The following SLC41A3 variants were observed in gnomAD, a reference collection of about 807,000 sequenced individuals.
The protein encoded by SLC41A3 is solute carrier family 41 member 3, also known as SLC41A1-like 2.
A neutral mutation model predicts 45.4 loss-of-function variants in SLC41A3; 44 were observed. The ratio of observed to expected loss-of-function variants is 0.97; its 90% CI spans 0.76 to 1.25. The LOEUF (loss-of-function observed/expected upper bound fraction) is 1.25, where lower values mean the gene tolerates loss of function less well. SLC41A3 is among the 50% of genes most tolerant of loss of function. The pLI is 0.00. For missense variants in SLC41A3, 550 were observed against 600.6 expected, an observed-to-expected ratio of 0.92 and a Z score of 0.88; for synonymous variants, 256 against 252.4, an observed-to-expected ratio of 1.01 and a Z score of -0.13.
At chr3:126,081,687 C>A (rs1029195809) in intron 1 of SLC41A3, among the ~76,000 whole-genome samples, 18 of 152,308 alleles carry the variant, frequency 1.2e-4, no homozygotes, top group Admixed American at 5.2e-4. Context: ...CACCTCACCA[C>A]CACTAGGGCA....
intron 6 of SLC41A3, among the ~76,000 whole-genome samples, chr3:126,018,297 G>T (rs1559814587): frequency 6.6e-6 from 1 of 152,220 alleles, no homozygotes; most frequent in South Asian, 2.1e-4. Flanking sequence ...TGTGATGCCT[G>T]AACTCTCACT....
intron 7 of SLC41A3, 74 bp downstream of exon 7, chr3:126,016,657 G>A: frequency 6.6e-7 from 1 of 1,524,586 alleles, no homozygotes; most frequent in Non-Finnish European, 8.8e-7. Flanking sequence ...CCAAGGCAGT[G>A]AGTGTCACCC....
chr3:126,019,198 G>A (rs1277102605), intron 6 of SLC41A3, among the ~76,000 whole-genome samples: 3 of 152,130 alleles, frequency 2.0e-5, no homozygotes, highest in African/African-American at 7.2e-5. Flanking sequence ...TGTAGCTCAG[G>A]TCTCTCTTCC....
At chr3:126,073,436 G>GA (rs1434766038) in intron 1 of SLC41A3, among the ~76,000 whole-genome samples, 37 of 151,082 alleles carry the variant, frequency 2.4e-4, no homozygotes, top group Admixed American at 2.1e-3. Context: ...CCCTGTCTCA[G>GA]AAAAAAAACA....
chr3:126,063,923 C>T (rs1944204025), intron 2 of SLC41A3, among the ~76,000 whole-genome samples: 1 of 143,348 alleles, frequency 7.0e-6, no homozygotes, highest in African/African-American at 2.6e-5. Flanking sequence ...TCACCACTGT[C>T]ACAGGCACTG....
upstream of SLC41A3, chr3:126,084,543 C>G (rs762270057): frequency 2.0e-5 from 3 of 152,220 alleles, no homozygotes; most frequent in African/African-American, 7.2e-5. Flanking sequence ...TGCTTCACCC[C>G]ACACATGCCT....
intron 1 of SLC41A3, among the ~76,000 whole-genome samples, chr3:126,070,767 T>A (rs1417854958): frequency 6.6e-6 from 1 of 151,948 alleles, no homozygotes; most frequent in Non-Finnish European, 1.5e-5. Flanking sequence ...CGAATTAGGA[T>A]CCTAGACACT....
intron 3 of SLC41A3, among the ~76,000 whole-genome samples, chr3:126,038,132 G>A (rs936108555): frequency 6.6e-6 from 1 of 152,256 alleles, no homozygotes. Flanking sequence ...TTCAAAGGAT[G>A]TATGTGAAAG....
At chr3:126,085,779 C>G (rs1945370322), upstream of SLC41A3, among the ~76,000 whole-genome samples, 1 of 151,004 alleles carries the variant, frequency 6.6e-6, no homozygotes, top group South Asian at 2.1e-4. Flanking sequence ...CTCCTCCCAG[C>G]CAAAACGTGC....
At chr3:126,022,022 G>T (rs898377391) in intron 6 of SLC41A3, among the ~76,000 whole-genome samples, 1 of 152,196 alleles carries the variant, frequency 6.6e-6, no homozygotes, top group African/African-American at 2.4e-5. Flanking sequence ...GGATGTGGGG[G>T]GCGTGACTGA....
rs1945694870 is a variant in SLC41A3, at chr3:126,100,883, G to A, written c.-79+546C>T. On this transcript the variant is annotated intron_variant, in intron 1 of 9. Transcript: ENST00000508835. ...CACCACCACTTTCCTCTCAGCCCCC[G>A]TTCACTCATGCATATTTTTGTTTAT... Among the ~76,000 whole-genome samples the A allele has an allele frequency of 3.3e-5, 5 of 152,092 alleles. No individual in the cohort carries two copies. In the South Asian group the frequency reaches 6.2e-4, roughly 19 times the overall value.
rs184346140 is a variant in SLC41A3, at chr3:126,021,141, G to A, written c.745+1645C>T. ...GATCTCCTGACCTCGTGATCCGCCCGCCTTGGCCTCCCAAAGTGCTGGGAT... is the reference window on the plus strand; with the variant it reads ...GATCTCCTGACCTCGTGATCCGCCCACCTTGGCCTCCCAAAGTGCTGGGAT... On this transcript the variant is annotated intron_variant, in intron 6 of 10. Coordinates refer to ENST00000360370, the MANE Select transcript of SLC41A3 (RefSeq NM_017836.4). Among the ~76,000 whole-genome samples the A allele has an allele frequency of 9.3e-4, 141 of 152,266 alleles. No homozygotes were observed. The East Asian group carries it at 0.013, about 14-fold the overall frequency.
intron 9 of SLC41A3, 48 bp downstream of exon 9, chr3:126,012,567 T>C (rs1255319709): frequency 6.2e-7 from 1 of 1,606,478 alleles, no homozygotes; most frequent in Non-Finnish European, 8.5e-7. Context: ...CGATGTTTTC[T>C]TGTTTAAAGA....
At chr3:126,092,482 C>G (rs1945508181) in intron 1 of SLC41A3, 1 of 152,228 alleles carries the variant, frequency 6.6e-6, no homozygotes, top group Non-Finnish European at 1.5e-5. Context: ...GTTCGGGGCT[C>G]TCAGCTCTGA....
intron 3 of SLC41A3, 145 bp downstream of exon 3, chr3:126,050,798 G>A: frequency 7.4e-7 from 1 of 1,356,716 alleles, no homozygotes; most frequent in Non-Finnish European, 9.6e-7. Context: ...GAGGGACAAG[G>A]GACAGCATGA....
At chr3:126,063,679 C>A (rs2107992184) in intron 2 of SLC41A3, among the ~76,000 whole-genome samples, 1 of 152,322 alleles carries the variant, frequency 6.6e-6, no homozygotes, top group Middle Eastern at 3.4e-3. Flanking sequence ...ACTACAGCCA[C>A]ACACAAGGCC....
At chr3:126,093,747 T>A (rs1267450932) in intron 1 of SLC41A3, among the ~76,000 whole-genome samples, 3 of 152,062 alleles carry the variant, frequency 2.0e-5, no homozygotes, top group Non-Finnish European at 4.4e-5. Flanking sequence ...TATGTGGGAA[T>A]GGGAAAAAGT....
intron 2 of SLC41A3, among the ~76,000 whole-genome samples, chr3:126,061,221 T>C (rs1944049082): frequency 6.6e-6 from 1 of 152,184 alleles, no homozygotes; most frequent in African/African-American, 2.4e-5. Flanking sequence ...CTTGTTCAGG[T>C]CTCACAGATC....
In SLC41A3 at chr3:126,006,971, T is replaced by C. The variant is rs1346836109; in HGVS notation, c.*45A>G. On this transcript the variant is annotated 3_prime_UTR_variant, in exon 11 of 11. Coordinates refer to ENST00000360370, the MANE Select transcript of SLC41A3 (RefSeq NM_017836.4). ...GAAACTGAATTCTGTATCCCACTGA[T>C]GTGAGAGGAAATTCTAATGAGCAAA... 1.2e-6 allele frequency: 2 copies of C among 1,612,954 alleles called. No homozygotes were observed. Among genetic ancestry groups the C allele is most frequent in the Non-Finnish European group, 8.5e-7 (1 of 1,179,254 alleles).
Sources: allele counts gnomAD v4.1 joint callset (sites outside exome capture counted in the v4.1 genomes callset), GRCh38; gene constraint gnomAD v4.1.1; transcripts MANE v1.5; gene names NCBI Gene and HGNC (gene_info 2026-07-23, HGNC 2026-07-21).